Variants in CAST observed in about 807,000 individuals in gnomAD.
The protein encoded by CAST is calpastatin, also known as MIR583 host.
In CAST, 76 loss-of-function variants were observed where a neutral mutation model predicts 119.6. The ratio of observed to expected loss-of-function variants is 0.64; its 90% CI spans 0.53 to 0.77. The LOEUF (loss-of-function observed/expected upper bound fraction) is 0.77. CAST is among the 30% of genes least tolerant of loss of function. The pLI is 0.00. For missense variants in CAST, 953 were observed against 946.5 expected, an observed-to-expected ratio of 1.01 and a Z score of -0.09; for synonymous variants, 319 against 331.6, an observed-to-expected ratio of 0.96 and a Z score of 0.41.
the CAST span, among the ~76,000 whole-genome samples, chr5:96,377,643 C>T: frequency 2.0e-5 from 3 of 152,058 alleles, no homozygotes; most frequent in Admixed American, 6.6e-5. Flanking sequence ...TCATAATGTT[C>T]ACACAATGAT....
chr5:96,441,290 C>T, the CAST span, among the ~76,000 whole-genome samples: 1 of 152,136 alleles, frequency 6.6e-6, no homozygotes, highest in Non-Finnish European at 1.5e-5. Flanking sequence ...TCTCTTTCTC[C>T]CTTTTTTCCT....
chr5:96,699,310 A>C lies in CAST; in HGVS notation c.210+3403A>C, dbSNP rs541476922. On this transcript the variant is annotated intron_variant, in intron 3 of 31. Transcript: ENST00000675179. ...ATTGCATTAGGAATGTCTCTGTAGA[A>C]GACCATGCTATTAAGAAGATGTACT... 1.1e-3 allele frequency among the ~76,000 whole-genome samples: 165 copies of C among 152,372 alleles called. 1 individual carries two copies. The South Asian group carries it at 0.032, about 30-fold the overall frequency.
the CAST span, among the ~76,000 whole-genome samples, chr5:96,024,205 G>T: frequency 1.3e-5 from 2 of 152,098 alleles, no homozygotes; most frequent in Admixed American, 6.6e-5. Context: ...TTTAAAGAAA[G>T]AATTTACTCG....
chr5:96,546,483 A>C (rs1746019947), intron 1 of CAST: 1 of 152,156 alleles, frequency 6.6e-6, no homozygotes, highest in Non-Finnish European at 1.5e-5. Context: ...GTCCCATGGT[A>C]GAGATTCTAT....
intron 10 of CAST, among the ~76,000 whole-genome samples, chr5:96,737,042 C>T (rs1038110912): frequency 6.6e-6 from 1 of 152,144 alleles, no homozygotes; most frequent in Non-Finnish European, 1.5e-5. Context: ...TAAAACCATC[C>T]AATCTCATGA....
chr5:96,542,712 A>G (rs544551696), intron 1 of CAST, among the ~76,000 whole-genome samples: 13 of 152,372 alleles, frequency 8.5e-5, no homozygotes, highest in Admixed American at 6.5e-5. Flanking sequence ...TTTATAAGAC[A>G]TATGTTTTAC....
chr5:96,536,027 TAAGG>T (rs1306649253), intron 1 of CAST, among the ~76,000 whole-genome samples: 37 of 135,692 alleles, frequency 2.7e-4, no homozygotes, highest in African/African-American at 9.4e-4. Flanking sequence ...GTTAAATATT[TAAGG>T]TTTTTTTTTT....
At chr5:96,490,624 C>G in the CAST span, among the ~76,000 whole-genome samples, 1 of 152,006 alleles carries the variant, frequency 6.6e-6, no homozygotes, top group Admixed American at 6.5e-5. Context: ...ATACAAATGA[C>G]AAAAATCATA....
chr5:96,326,387 AG>A, the CAST span, among the ~76,000 whole-genome samples: 3 of 152,202 alleles, frequency 2.0e-5, no homozygotes, highest in African/African-American at 7.2e-5. Flanking sequence ...AACTATTCAC[AG>A]GTCCCCATTA....
chr5:96,380,148 T>C, the CAST span, among the ~76,000 whole-genome samples: 4 of 152,186 alleles, frequency 2.6e-5, no homozygotes, highest in African/African-American at 9.7e-5. Context: ...TTCGTAATAA[T>C]CCTCACATGA....
the CAST span, among the ~76,000 whole-genome samples, chr5:96,090,572 A>G: frequency 2.6e-5 from 4 of 152,124 alleles, no homozygotes; most frequent in African/African-American, 9.6e-5. Flanking sequence ...CTTTTTCCCC[A>G]AGGTCTCCTG....
chr5:96,171,799 C>T, the CAST span, among the ~76,000 whole-genome samples: 3 of 152,298 alleles, frequency 2.0e-5, no homozygotes, highest in South Asian at 2.1e-4. Flanking sequence ...GGTGCTTACC[C>T]GATTTAAAAT....
At chr5:96,398,811 C>T in the CAST span, 1 of 1,214,360 alleles carries the variant, frequency 8.2e-7, no homozygotes, top group East Asian at 2.3e-5. Flanking sequence ...TAAACAAAAG[C>T]AATCAGTTAT....
At position 96,633,232 on chromosome 5, in the gene CAST, C is replaced by T. The variant is rs954088661; in HGVS notation, c.61-42307C>T. Among the ~76,000 whole-genome samples, 7 of 152,178 alleles carry T rather than the reference C, an allele frequency of 4.6e-5. No individual in the cohort carries two copies. In the South Asian group the frequency reaches 1.4e-3, roughly 32 times the overall value. On this transcript the variant is annotated intron_variant, in intron 1 of 11. Coordinates refer to the CAST transcript ENST00000505143. ...CCTCAGGTGATCCACCTGCCTCAGCCTCCCAAAGTGCAGGGATTACAGGCA... is the reference window on the plus strand; with the variant it reads ...CCTCAGGTGATCCACCTGCCTCAGCTTCCCAAAGTGCAGGGATTACAGGCA...
At chr5:96,668,681 G>A (rs926195685) in intron 1 of CAST, among the ~76,000 whole-genome samples, 12 of 152,088 alleles carry the variant, frequency 7.9e-5, no homozygotes, top group African/African-American at 1.9e-4. Context: ...CCAAGGTCAC[G>A]GTCATATAGC....
chr5:96,568,564 CAAAAAAAAAAA>C (rs70981830), intron 1 of CAST, among the ~76,000 whole-genome samples: 1 of 70,920 alleles, frequency 1.4e-5, no homozygotes, highest in Non-Finnish European at 2.4e-5. Context: ...GACTCCATCT[CAAAAAAAAAAA>C]AAAAAAAAAA....
chr5:96,416,879 AG>A, the CAST span, among the ~76,000 whole-genome samples: 1 of 152,230 alleles, frequency 6.6e-6, no homozygotes, highest in Non-Finnish European at 1.5e-5. Flanking sequence ...CCACCACTAA[AG>A]CATCTATTCT....
At chr5:95,981,736 A>G in the CAST span, among the ~76,000 whole-genome samples, 1 of 152,156 alleles carries the variant, frequency 6.6e-6, no homozygotes, top group Non-Finnish European at 1.5e-5. Context: ...TTAGCTGGGC[A>G]TGGTGGCATG....
chr5:95,966,089 A>C, the CAST span, among the ~76,000 whole-genome samples: 1 of 152,126 alleles, frequency 6.6e-6, no homozygotes, highest in Non-Finnish European at 1.5e-5. Flanking sequence ...TTAGAGGCTC[A>C]AGAGTTTCTT....
Sources: allele counts gnomAD v4.1 joint callset (sites outside exome capture counted in the v4.1 genomes callset), GRCh38; gene constraint gnomAD v4.1.1; transcripts MANE v1.5; gene names NCBI Gene and HGNC (gene_info 2026-07-23, HGNC 2026-07-21).